Variants in LRRC49 observed in about 807,000 individuals in gnomAD.
LRRC49 encodes leucine-rich repeat-containing protein 49.
A neutral mutation model predicts 83.3 loss-of-function variants in LRRC49; 50 were observed. That is an observed-to-expected ratio of 0.60 (90% CI 0.48 to 0.76). The LOEUF is 0.76. Among genes scored for constraint, LRRC49 ranks in the 30% least tolerant of loss-of-function variants. The pLI is 0.00. For synonymous variants in LRRC49, 286 were observed against 283.3 expected (o/e 1.01, Z -0.10); for missense variants, 704 against 809.1 (o/e 0.87, Z 1.58).
At chr15:71,048,758 T>C (rs752552374) in intron 15 of LRRC49, 1 of 455,824 alleles carries the variant, frequency 2.2e-6, no homozygotes, top group Non-Finnish European at 4.4e-6. Context: ...CTCTGTTGTG[T>C]TTAGGACCAG....
chr15:70,891,616 T>A (rs1042522558), upstream of LRRC49, among the ~76,000 whole-genome samples: 4 of 124,156 alleles, frequency 3.2e-5, no homozygotes, highest in East Asian at 5.2e-4. Flanking sequence ...TGTGTGTGTG[T>A]GTGAGTTTTG....
chr15:70,853,992 C>T, intron 1 of LRRC49: 1 of 1,466,086 alleles, frequency 6.8e-7, no homozygotes, highest in Non-Finnish European at 9.1e-7. Context: ...TCCTCCTCGT[C>T]CTCCAACTCG....
intron 8 of LRRC49, among the ~76,000 whole-genome samples, chr15:70,963,365 A>G (rs1031928290): frequency 4.6e-5 from 7 of 151,860 alleles, no homozygotes; most frequent in Non-Finnish European, 1.0e-4. Flanking sequence ...GGGTCATCCT[A>G]CAAAATAACT....
chr15:71,003,980 G>T (rs2141255182), intron 11 of LRRC49, among the ~76,000 whole-genome samples: 1 of 152,306 alleles, frequency 6.6e-6, no homozygotes, highest in Admixed American at 6.5e-5. Context: ...TTATCTGTCT[G>T]AAGTGGGGCT....
intron 1 of LRRC49, among the ~76,000 whole-genome samples, chr15:70,869,142 A>ATTATTATAT (rs2032974531): frequency 6.6e-6 from 1 of 152,238 alleles, no homozygotes; most frequent in Non-Finnish European, 1.5e-5. Context: ...TGTTTATGAT[A>ATTATTATAT]GATTATTATA....
upstream of LRRC49, chr15:70,892,068 T>C: frequency 4.3e-6 from 7 of 1,613,886 alleles, no homozygotes; most frequent in Non-Finnish European, 5.9e-6. Context: ...TTCTTCTGGA[T>C]AACCGAAGAG....
chr15:70,983,018 G>T (rs2037460471), intron 10 of LRRC49, among the ~76,000 whole-genome samples: 1 of 152,154 alleles, frequency 6.6e-6, no homozygotes, highest in Non-Finnish European at 1.5e-5. Context: ...AGCAGGTGAA[G>T]AGGGGTCAGT....
At chr15:71,030,917 G>T (rs2039332331) in intron 14 of LRRC49, among the ~76,000 whole-genome samples, 1 of 151,818 alleles carries the variant, frequency 6.6e-6, no homozygotes, top group Non-Finnish European at 1.5e-5. Context: ...AGCAATTCCT[G>T]TAACCTTTTA....
chr15:70,859,540 G>A (rs1005477616), intron 1 of LRRC49: 9 of 672,366 alleles, frequency 1.3e-5, no homozygotes, highest in East Asian at 3.4e-5. Context: ...GCAGCCAGGC[G>A]GAGGCTGAGA....
intron 8 of LRRC49, among the ~76,000 whole-genome samples, chr15:70,946,959 T>C (rs1167531804): frequency 1.3e-5 from 2 of 152,188 alleles, no homozygotes; most frequent in East Asian, 3.8e-4. Context: ...ATGTCAATTA[T>C]AGACCCCCAG....
chr15:70,971,373 A>ATTTGCTGAGGAG (rs1256362782), intron 9 of LRRC49, among the ~76,000 whole-genome samples: 1 of 150,272 alleles, frequency 6.7e-6, no homozygotes, highest in Non-Finnish European at 1.5e-5. Context: ...ATTCTTTTGC[A>ATTTGCTGAGGAG]TGTTTTACTT....
At chr15:70,954,221 G>T (rs1317527455) in intron 8 of LRRC49, among the ~76,000 whole-genome samples, 1 of 151,994 alleles carries the variant, frequency 6.6e-6, no homozygotes, top group African/African-American at 2.4e-5. Flanking sequence ...TTCTCAACTT[G>T]GTCTATTCTG....
At chr15:70,900,608 A>T (rs768838302) in intron 3 of LRRC49, 1 of 463,390 alleles carries the variant, frequency 2.2e-6, no homozygotes, top group South Asian at 1.6e-5. Context: ...CATTTTAGTT[A>T]TAGACAGTTA....
At chr15:71,044,313 T>C (rs1165125388) in intron 15 of LRRC49, among the ~76,000 whole-genome samples, 1 of 152,208 alleles carries the variant, frequency 6.6e-6, no homozygotes, top group East Asian at 1.9e-4. Flanking sequence ...ATTGTTTTAG[T>C]ACATGACTAT....
Position 71,008,458 on chromosome 15 carries a change from A to G in LRRC49, c.1249A>G (p.Thr417Ala). ...ATACCTTGTTGAAGTGGACGGGGATACACTTTCCCTATATGGCTCAGGAGC... is the reference window on the plus strand; with the variant it reads ...ATACCTTGTTGAAGTGGACGGGGATGCACTTTCCCTATATGGCTCAGGAGC... ...DTYLVEVDGD[T>A]LSLYGSGALE... Residue 417 changes from threonine to alanine, a missense_variant, in exon 12 of 16, where the codon ACA (threonine) becomes GCA (alanine). By Grantham distance (58) the Thr-to-Ala change is moderately conservative. This residue lies in a region of LRRC49 where 275 missense variants were observed against 338.0 expected (regional missense o/e 0.81). Coordinates refer to ENST00000260382, the MANE Select transcript of LRRC49 (RefSeq NM_017691.5). The G allele has an allele frequency of 1.2e-6, 2 of 1,612,980 alleles. No individual in the cohort carries two copies. The highest frequency in any genetic ancestry group is 1.7e-6 in the Non-Finnish European group (2 of 1,179,204).
upstream of LRRC49, among the ~76,000 whole-genome samples, chr15:70,887,451 C>G (rs1042876340): frequency 6.6e-6 from 1 of 152,042 alleles, no homozygotes; most frequent in African/African-American, 2.4e-5. Context: ...TTTAGCCATG[C>G]AAGTTTGACT....
intron 2 of LRRC49, among the ~76,000 whole-genome samples, chr15:70,878,755 T>C (rs969268035): frequency 2.0e-5 from 3 of 152,214 alleles, no homozygotes; most frequent in Non-Finnish European, 4.4e-5. Context: ...TGAATTACAT[T>C]GATTGGTTGT....
intron 2 of LRRC49, among the ~76,000 whole-genome samples, chr15:70,886,598 T>G (rs2033413885): frequency 6.6e-6 from 1 of 152,132 alleles, no homozygotes; most frequent in Admixed American, 6.5e-5. Flanking sequence ...TGGGGTGCGG[T>G]GGCTCACGCC....
chr15:70,990,662 G>T (rs1339282159), intron 11 of LRRC49, among the ~76,000 whole-genome samples: 1 of 152,182 alleles, frequency 6.6e-6, no homozygotes, highest in Admixed American at 6.5e-5. Context: ...CCACTGTCTG[G>T]CACTCCCTAG....
Sources: gnomAD v4.1 joint callset for allele counts (sites outside exome capture counted in the v4.1 genomes callset) on GRCh38, gnomAD v4.1.1 for gene constraint, gnomAD v4.1.1 regional missense constraint, MANE v1.5 for transcripts, NCBI Gene and HGNC (gene_info 2026-07-23, HGNC 2026-07-21) for gene names.